Variants in TTC8 observed in about 807,000 individuals in gnomAD.
TTC8 encodes tetratricopeptide repeat protein 8.
In TTC8, 47 loss-of-function variants were observed where a neutral mutation model predicts 72.5. That is an observed-to-expected ratio of 0.65 (90% CI 0.51 to 0.83). TTC8 has a LOEUF of 0.83. TTC8 is among the 40% of genes least tolerant of loss of function. TTC8 has a pLI of 0.00. For synonymous variants in TTC8, 199 were observed against 221.4 expected (o/e 0.90, Z 0.90); for missense variants, 611 against 623.2 (o/e 0.98, Z 0.21).
intron 10 of TTC8, among the ~76,000 whole-genome samples, chr14:88,868,191 A>G (rs1645415617): frequency 1.3e-5 from 2 of 152,234 alleles, no homozygotes; most frequent in Admixed American, 1.3e-4. Flanking sequence ...AGTTGTACCA[A>G]CCTACAGACT....
chr14:88,878,881 G>T (rs1187980444), downstream of TTC8: 2 of 152,096 alleles, frequency 1.3e-5, no homozygotes, highest in Non-Finnish European at 2.9e-5. Context: ...TTTTACTTAT[G>T]AGAATACTGA....
rs1009935546 is a variant in TTC8 at position 88,862,848 on chromosome 14, T to G, written c.909+1516T>G. On this transcript the variant is annotated intron_variant, in intron 10 of 14. Coordinates refer to ENST00000380656, the MANE Select transcript of TTC8 (RefSeq NM_144596.4). ...TAAATTTTAGAGTCATGTCGTCAAA[T>G]TCTATGAAAAGTCCCATTGAGATAT... Among the ~76,000 whole-genome samples the G allele has an allele frequency of 4.0e-5, 6 of 151,412 alleles. 1 individual carries two copies. In the South Asian group the frequency reaches 6.3e-4, roughly 16 times the overall value.
At chr14:88,851,910 C>G (rs942517468) in intron 7 of TTC8, among the ~76,000 whole-genome samples, 23 of 152,038 alleles carry the variant, frequency 1.5e-4, no homozygotes, top group African/African-American at 5.6e-4. Context: ...ATTAATTATA[C>G]AGTAAGATTA....
intron 10 of TTC8, among the ~76,000 whole-genome samples, chr14:88,862,604 A>G (rs1168389417): frequency 1.0e-5 from 1 of 97,198 alleles, no homozygotes; most frequent in Non-Finnish European, 2.0e-5. Flanking sequence ...ATATTTAGAG[A>G]TGGGTTCTCA....
At chr14:88,853,095 C>T (rs1027868341) in intron 8 of TTC8, 39 bp downstream of exon 8, 8 of 1,491,488 alleles carry the variant, frequency 5.4e-6, no homozygotes, top group Middle Eastern at 1.7e-4. Flanking sequence ...GAAGTGGCCA[C>T]GTATTTTAGG....
At chr14:88,830,924 C>T (rs765477040) in intron 1 of TTC8, 1 of 456,070 alleles carries the variant, frequency 2.2e-6, no homozygotes. Flanking sequence ...CTTGGTCTCT[C>T]CACATCCTAC....
chr14:88,838,846 G>C (rs190579354), intron 2 of TTC8, among the ~76,000 whole-genome samples: 47 of 152,176 alleles, frequency 3.1e-4, no homozygotes, highest in Admixed American at 2.0e-3. Context: ...ATTGGAATCG[G>C]ATAAATTGAT....
rs575657761 is a variant in TTC8 at position 88,827,223 on chromosome 14, C to A, written c.114+2402C>A. On this transcript the variant is annotated intron_variant, in intron 1 of 14. Transcript: ENST00000380656. Reference sequence around the variant, plus strand: ...ACTTGATATATATTCATCTCAATGACCTTTCATTGAGTGCTTACTACAGAT... The same window carrying A: ...ACTTGATATATATTCATCTCAATGAACTTTCATTGAGTGCTTACTACAGAT... 3.9e-4 allele frequency among the ~76,000 whole-genome samples: 59 copies of A among 152,218 alleles called. 1 individual carries two copies. Among genetic ancestry groups the A allele is most frequent in the African/African-American group, 1.3e-3 (56 of 41,532 alleles).
At chr14:88,848,964 A>G (rs1038072231) in intron 7 of TTC8, among the ~76,000 whole-genome samples, 19 of 152,122 alleles carry the variant, frequency 1.2e-4, no homozygotes, top group Non-Finnish European at 2.4e-4. Flanking sequence ...AATGCTGCCA[A>G]TTTGTACTCT....
intron 10 of TTC8, among the ~76,000 whole-genome samples, chr14:88,866,085 A>G (rs2094908026): frequency 1.3e-5 from 2 of 152,184 alleles, no homozygotes; most frequent in Non-Finnish European, 2.9e-5. Context: ...GATACCCTGA[A>G]AGTTCCAGAA....
At chr14:88,827,779 T>G (rs896245427) in intron 1 of TTC8, among the ~76,000 whole-genome samples, 2 of 152,202 alleles carry the variant, frequency 1.3e-5, no homozygotes, top group East Asian at 3.8e-4. Context: ...TTAAAAAAAT[T>G]AATATTTATG....
rs148287650 is a variant in TTC8, at chr14:88,870,076, A to T, written c.927A>T (p.Ser309=). ...ARIYEEMNNM[S]SAAEYYKEVL... ...GAGAATAGGAAATGAACAATATGTC[A>T]TCAGCAGCAGAATATTACAAAGAAG... is the stretch of plus-strand genomic sequence containing the variant. The change falls in exon 11 of 15, where the codon TCA becomes TCT. Residue 309 remains serine, a synonymous_variant. Transcript: ENST00000380656. 3 of 1,614,026 alleles carry T rather than the reference A, an allele frequency of 1.9e-6. No homozygotes were observed. The highest frequency in any genetic ancestry group is 2.5e-6 in the Non-Finnish European group (3 of 1,179,932).
chr14:88,876,878 C>G (rs2094959517), intron 14 of TTC8, among the ~76,000 whole-genome samples: 1 of 151,980 alleles, frequency 6.6e-6, no homozygotes, highest in African/African-American at 2.4e-5. Flanking sequence ...GTTTGTGGTA[C>G]CTTACAGATA....
intron 1 of TTC8, among the ~76,000 whole-genome samples, chr14:88,833,401 T>A (rs1197995638): frequency 6.6e-6 from 1 of 152,234 alleles, no homozygotes; most frequent in East Asian, 1.9e-4. Context: ...GGGATTATTC[T>A]CAATTTCTGA....
At chr14:88,844,514 T>C (rs926466573) in intron 7 of TTC8, among the ~76,000 whole-genome samples, 15 of 152,216 alleles carry the variant, frequency 9.9e-5, no homozygotes, top group African/African-American at 3.6e-4. Context: ...TTTAGGAAAA[T>C]AAAAATGTTT....
chr14:88,850,256 G>A (rs1206923174), intron 7 of TTC8, among the ~76,000 whole-genome samples: 1 of 152,164 alleles, frequency 6.6e-6, no homozygotes, highest in Non-Finnish European at 1.5e-5. Flanking sequence ...GTCAACAGAC[G>A]TCAGAAACAA....
At chr14:88,857,039 G>A (rs370879253) in intron 8 of TTC8, 151 bp from the exon 9 acceptor site, 135 of 731,236 alleles carry the variant, frequency 1.8e-4, no homozygotes, top group East Asian at 1.2e-3. Flanking sequence ...TTGCTAAGCT[G>A]TATAAATAAA....
intron 1 of TTC8, among the ~76,000 whole-genome samples, chr14:88,831,844 T>A (rs545209873): frequency 6.6e-6 from 1 of 152,332 alleles, no homozygotes; most frequent in Admixed American, 6.5e-5. Flanking sequence ...ATTTCCAGAA[T>A]AATCTCCCCC....
intron 2 of TTC8, 50 bp from the exon 3 acceptor site, chr14:88,839,402 G>A (rs752792985): frequency 5.7e-6 from 9 of 1,590,232 alleles, no homozygotes; most frequent in Non-Finnish European, 7.7e-6. Context: ...AAGCTGTGTA[G>A]TATTTCTAAT....
Sources: allele counts gnomAD v4.1 joint callset (sites outside exome capture counted in the v4.1 genomes callset), GRCh38; gene constraint gnomAD v4.1.1; transcripts MANE v1.5; gene names NCBI Gene and HGNC (gene_info 2026-07-23, HGNC 2026-07-21).